SRGAP1: variants seen among roughly 807,000 people sequenced by gnomAD.
SRGAP1 encodes the protein SLIT-ROBO Rho GTPase activating protein 1.
Under a neutral mutation model 121.9 loss-of-function variants are expected in SRGAP1, and 43 were observed. The ratio of observed to expected loss-of-function variants is 0.35; its 90% CI spans 0.28 to 0.46. The LOEUF (loss-of-function observed/expected upper bound fraction) is 0.46, where lower values mean the gene tolerates loss of function less well. Ranked by LOEUF, SRGAP1 falls within the 20% of genes least tolerant of loss-of-function variation. The pLI is 1.00. For missense variants in SRGAP1, 1,102 were observed against 1,350.9 expected (o/e 0.82, Z 2.89); for synonymous variants, 447 against 485.4 (o/e 0.92, Z 1.04).
intron 21 of SRGAP1, 92 bp from the exon 22 acceptor site, chr12:64,142,203 G>T: frequency 1.5e-6 from 2 of 1,361,960 alleles, no homozygotes; most frequent in Non-Finnish European, 2.0e-6. Context: ...ACTCTGCTGG[G>T]CCGTTTACTT....
rs534561320 is a variant in SRGAP1 at position 64,004,836 on chromosome 12, A to G, written c.427-12114A>G. On this transcript the variant is annotated intron_variant, in intron 3 of 21. Coordinates refer to ENST00000355086, the MANE Select transcript of SRGAP1 (RefSeq NM_020762.4). ...TCAACAAATTCTAAAGCAACCTAAG[A>G]ACAGTATTCTGGTTGCTAGCCAACT... Among the ~76,000 whole-genome samples, 7 of 152,306 alleles carry G rather than the reference A, an allele frequency of 4.6e-5. No individual in the cohort carries two copies. In the East Asian group the frequency reaches 9.6e-4, roughly 21 times the overall value.
intron 4 of SRGAP1, among the ~76,000 whole-genome samples, chr12:64,041,489 A>T (rs962432559): frequency 1.3e-5 from 2 of 151,740 alleles, no homozygotes; most frequent in Non-Finnish European, 2.9e-5. Flanking sequence ...GGCTCAACCA[A>T]TCCCCTCGCC....
intron 1 of SRGAP1, chr12:63,872,041 C>T: frequency 1.3e-6 from 1 of 781,454 alleles, no homozygotes; most frequent in Non-Finnish European, 2.3e-6. Flanking sequence ...GGTACGTTGA[C>T]CATCTTTGCA....
chr12:64,013,821 C>T lies in SRGAP1; in HGVS notation c.427-3129C>T, dbSNP rs189706197. The stretch of plus-strand genomic sequence containing the variant: ...CAAGGGAATATGGATATAAGAAAAG[C>T]TGGAGCATAATCCTTAAGGGCCCTT... On this transcript the variant is annotated intron_variant, in intron 3 of 21. Coordinates refer to ENST00000355086, the MANE Select transcript of SRGAP1 (RefSeq NM_020762.4). Among the ~76,000 whole-genome samples the T allele has an allele frequency of 9.8e-4, 149 of 152,224 alleles. 2 individuals carry two copies. The highest frequency in any genetic ancestry group is 3.4e-3 in the African/African-American group (141 of 41,542).
At chr12:64,127,323 C>G (rs1486066150) in intron 19 of SRGAP1, among the ~76,000 whole-genome samples, 3 of 152,172 alleles carry the variant, frequency 2.0e-5, no homozygotes, top group Non-Finnish European at 4.4e-5. Context: ...TCTTAAAATT[C>G]TAACAGTAGT....
rs2031137550 is a variant in SRGAP1, at chr12:63,923,318, A to C, written c.68-60629A>C. ...TCATGCTACTATATATTATATTTACAACAACATCATTTTATAACGGCCGTA... is the reference window on the plus strand; with the variant it reads ...TCATGCTACTATATATTATATTTACCACAACATCATTTTATAACGGCCGTA... On this transcript the variant is annotated intron_variant, in intron 1 of 21. Coordinates refer to ENST00000355086, the MANE Select transcript of SRGAP1 (RefSeq NM_020762.4). Among the ~76,000 whole-genome samples the C allele has an allele frequency of 2.0e-5, 3 of 152,216 alleles. No individual in the cohort carries two copies. In the South Asian group the frequency reaches 6.2e-4, roughly 31 times the overall value.
chr12:63,901,990 T>C (rs2029953544), intron 1 of SRGAP1, among the ~76,000 whole-genome samples: 1 of 152,216 alleles, frequency 6.6e-6, no homozygotes, highest in South Asian at 2.1e-4. Flanking sequence ...GTTTGGACTT[T>C]ATAGTACTTG....
intron 16 of SRGAP1, among the ~76,000 whole-genome samples, chr12:64,109,605 T>C (rs2036399968): frequency 6.6e-6 from 1 of 152,196 alleles, no homozygotes; most frequent in Non-Finnish European, 1.5e-5. Context: ...TTTCAGCAAC[T>C]TGATTTTCAG....
intron 10 of SRGAP1, among the ~76,000 whole-genome samples, chr12:64,084,503 TAAA>T (rs570324079): frequency 9.9e-4 from 151 of 152,304 alleles, no homozygotes; most frequent in African/African-American, 3.5e-3. Context: ...TGATACTGAT[TAAA>T]AAATAAAACC....
chr12:63,991,183 T>C (rs2033548554), intron 3 of SRGAP1, among the ~76,000 whole-genome samples: 1 of 152,228 alleles, frequency 6.6e-6, no homozygotes, highest in South Asian at 2.1e-4. Context: ...CTCAGCTTTG[T>C]ATTAGGAATG....
intron 1 of SRGAP1, among the ~76,000 whole-genome samples, chr12:63,860,414 G>A (rs988333226): frequency 4.6e-5 from 7 of 152,104 alleles, no homozygotes; most frequent in Non-Finnish European, 1.0e-4. Context: ...ATTAGTTGGA[G>A]GTTGTTTCCC....
chr12:64,154,070 T>C lies in SRGAP1; in HGVS notation c.*11398T>C, dbSNP rs1045390244. 4 of 152,228 alleles carry C rather than the reference T, an allele frequency of 2.6e-5. No homozygotes were observed. Among genetic ancestry groups the C allele is most frequent in the African/African-American group, 4.8e-5 (2 of 41,456 alleles). The allele number at this position is 152,228 out of a possible 1,614,324, so 9.4% of individuals were successfully genotyped here. A position where few individuals can be genotyped will look rare whatever the true frequency, so the allele number is the denominator to read the frequency against. ...AGGACAAACATTGCATGATTTTACT[T>C]CTATGAGATATCTAAAGTAGTCAAA... On this transcript the variant is annotated 3_prime_UTR_variant, in exon 22 of 22. Transcript: ENST00000355086.
At chr12:63,863,795 C>T (rs976806054) in intron 1 of SRGAP1, among the ~76,000 whole-genome samples, 23 of 152,158 alleles carry the variant, frequency 1.5e-4, no homozygotes, top group African/African-American at 5.6e-4. Flanking sequence ...GTGAATTGGG[C>T]TGCCTCCCAA....
At chr12:63,933,437 A>G (rs1720277222) in intron 1 of SRGAP1, among the ~76,000 whole-genome samples, 1 of 152,092 alleles carries the variant, frequency 6.6e-6, no homozygotes, top group African/African-American at 2.4e-5. Flanking sequence ...TTCATTCAGT[A>G]AATTGTGGGC....
At chr12:63,846,055 T>G (rs1032684711) in intron 1 of SRGAP1, among the ~76,000 whole-genome samples, 2 of 152,104 alleles carry the variant, frequency 1.3e-5, no homozygotes, top group African/African-American at 4.8e-5. Flanking sequence ...GACCAACTCA[T>G]TGTGGACACT....
chr12:63,915,615 C>G (rs1431841812), intron 1 of SRGAP1, among the ~76,000 whole-genome samples: 6 of 152,134 alleles, frequency 3.9e-5, no homozygotes, highest in Admixed American at 3.9e-4. Context: ...TCATAGCAAC[C>G]ATCTCCAAGG....
chr12:64,019,262 G>A (rs532114554), intron 4 of SRGAP1, among the ~76,000 whole-genome samples: 2 of 152,238 alleles, frequency 1.3e-5, no homozygotes, highest in Non-Finnish European at 2.9e-5. Context: ...ACATTTTGCA[G>A]ACTCTGTAGC....
intron 6 of SRGAP1, among the ~76,000 whole-genome samples, chr12:64,050,606 C>A (rs1400329241): frequency 6.6e-6 from 1 of 152,182 alleles, no homozygotes; most frequent in Non-Finnish European, 1.5e-5. Flanking sequence ...CCATTTGTGA[C>A]CCCAAGGAAT....
At chr12:63,856,994 A>G (rs1297566455) in intron 1 of SRGAP1, among the ~76,000 whole-genome samples, 1 of 151,726 alleles carries the variant, frequency 6.6e-6, no homozygotes, top group Non-Finnish European at 1.5e-5. Context: ...TTTTGTTTAG[A>G]TTTATATCAG....
Sources: gnomAD v4.1 joint callset for allele counts (sites outside exome capture counted in the v4.1 genomes callset) on GRCh38, gnomAD v4.1.1 for gene constraint, MANE v1.5 for transcripts, NCBI Gene and HGNC (gene_info 2026-07-23, HGNC 2026-07-21) for gene names.